SLC30A8: variants seen among roughly 807,000 people sequenced by gnomAD.
The protein encoded by SLC30A8 is solute carrier family 30 member 8.
A neutral mutation model predicts 36.9 loss-of-function variants in SLC30A8; 27 were observed. The ratio of observed to expected loss-of-function variants is 0.73; its 90% CI spans 0.54 to 1.01. SLC30A8 has a LOEUF of 1.01. Among genes scored for constraint, SLC30A8 ranks in the 50% least tolerant of loss-of-function variants. The pLI is 0.00. For synonymous variants in SLC30A8, 164 were observed against 172.4 expected (o/e 0.95, Z 0.38); for missense variants, 439 against 452.0 (o/e 0.97, Z 0.26).
intron 2 of SLC30A8, among the ~76,000 whole-genome samples, chr8:117,039,914 A>T (rs924377867): frequency 1.3e-5 from 2 of 152,232 alleles, no homozygotes; most frequent in African/African-American, 4.8e-5. Context: ...AGGCCTTTTG[A>T]TAAATTATCT....
chr8:117,115,814 G>A (rs1303285683), intron 2 of SLC30A8, among the ~76,000 whole-genome samples: 2 of 152,008 alleles, frequency 1.3e-5, no homozygotes, highest in African/African-American at 4.8e-5. Flanking sequence ...GGGGCTAGCT[G>A]TTCTGAGATC....
intron 6 of SLC30A8, among the ~76,000 whole-genome samples, chr8:117,170,635 G>A (rs1231677017): frequency 1.3e-5 from 2 of 152,162 alleles, no homozygotes; most frequent in African/African-American, 4.8e-5. Flanking sequence ...GGTCAGAGAA[G>A]TTCTGGGATT....
Position 117,076,172 on chromosome 8 carries a change from C to T in SLC30A8, c.-226+36914C>T, listed in dbSNP as rs369729285. On this transcript the variant is annotated intron_variant, in intron 2 of 10. Coordinates refer to the SLC30A8 transcript ENST00000427715. Reference sequence around the variant, plus strand: ...CAGCTAGAGTTCCTTAGCTTTCTAGCTGCTGTTCAGTTTTATTATATCATG... The same window carrying T: ...CAGCTAGAGTTCCTTAGCTTTCTAGTTGCTGTTCAGTTTTATTATATCATG... Among the ~76,000 whole-genome samples, 34 of 152,296 alleles carry T rather than the reference C, an allele frequency of 2.2e-4. No individual in the cohort carries two copies. The East Asian group carries it at 6.2e-3, about 28-fold the overall frequency.
At chr8:117,036,357 C>T (rs1320844808) in intron 1 of SLC30A8, among the ~76,000 whole-genome samples, 1 of 152,214 alleles carries the variant, frequency 6.6e-6, no homozygotes, top group African/African-American at 2.4e-5. Context: ...GTTCCAGCCT[C>T]TGCCTGTTAC....
intron 2 of SLC30A8, among the ~76,000 whole-genome samples, chr8:117,118,109 T>C (rs575866500): frequency 6.6e-6 from 1 of 151,026 alleles, no homozygotes; most frequent in Admixed American, 6.6e-5. Context: ...ACTTAGCTGT[T>C]GCAAATTTAA....
chr8:117,057,975 CA>C (rs772546214), intron 2 of SLC30A8, among the ~76,000 whole-genome samples: 3 of 152,150 alleles, frequency 2.0e-5, no homozygotes, highest in African/African-American at 4.8e-5. Context: ...TACTGTTTTT[CA>C]TAGTGGCTAT....
intron 2 of SLC30A8, among the ~76,000 whole-genome samples, chr8:117,049,936 C>T (rs569261764): frequency 1.3e-5 from 2 of 152,186 alleles, no homozygotes; most frequent in African/African-American, 4.8e-5. Context: ...CATCTGGGAT[C>T]TATTTTAAAG....
At chr8:117,041,221 C>G (rs2130756882) in intron 2 of SLC30A8, among the ~76,000 whole-genome samples, 1 of 152,296 alleles carries the variant, frequency 6.6e-6, no homozygotes, top group African/African-American at 2.4e-5. Flanking sequence ...AGGCACTTGG[C>G]AGCAGAAGGA....
At chr8:117,124,228 T>C (rs541589140) in intron 2 of SLC30A8, among the ~76,000 whole-genome samples, 1 of 152,074 alleles carries the variant, frequency 6.6e-6, no homozygotes, top group African/African-American at 2.4e-5. Flanking sequence ...GATGAATCTT[T>C]AGTTATAGGG....
intron 1 of SLC30A8, among the ~76,000 whole-genome samples, chr8:116,977,684 G>T (rs1027149125): frequency 4.6e-5 from 7 of 151,818 alleles, no homozygotes; most frequent in Non-Finnish European, 1.0e-4. Context: ...GCTAATTTTT[G>T]TATGTTAAGT....
At chr8:117,034,008 T>C (rs986479565) in intron 1 of SLC30A8, among the ~76,000 whole-genome samples, 9 of 152,218 alleles carry the variant, frequency 5.9e-5, no homozygotes, top group Admixed American at 2.6e-4. Flanking sequence ...GAAATAGGGC[T>C]GTGGAAGATT....
At chr8:117,080,944 G>A (rs1818657325) in intron 2 of SLC30A8, among the ~76,000 whole-genome samples, 1 of 152,138 alleles carries the variant, frequency 6.6e-6, no homozygotes, top group South Asian at 2.1e-4. Flanking sequence ...CTAATTTACT[G>A]TTAAAATTTT....
At chr8:117,039,283 T>A (rs1242076083) in intron 2 of SLC30A8, 1 of 152,242 alleles carries the variant, frequency 6.6e-6, no homozygotes, top group African/African-American at 2.4e-5. Flanking sequence ...ACTCTGTGTG[T>A]GTGAGAGGGA....
intron 1 of SLC30A8, among the ~76,000 whole-genome samples, chr8:116,994,121 A>T (rs939392031): frequency 6.6e-6 from 1 of 152,072 alleles, no homozygotes; most frequent in East Asian, 1.9e-4. Flanking sequence ...CAAAATTTTA[A>T]AGAAGAAATA....
chr8:117,161,868 G>A lies in SLC30A8; in HGVS notation c.703G>A (p.Ala235Thr), dbSNP rs758804870. ...LFQSISVLIS[A>T]LIIYFKPEYK... ...TCAGAGTATCAGTGTGCTAATTAGT[G>A]CACTTATTATCTACTTTAAGGTGAG... The change falls in exon 5 of 8, where the codon GCA becomes ACA. Residue 235 changes from alanine (A) to threonine (T), a missense_variant. Ala to Thr is a moderately conservative substitution (Grantham distance 58). Coordinates refer to ENST00000456015, the MANE Select transcript of SLC30A8 (RefSeq NM_173851.3). 20 of 1,613,046 alleles carry A rather than the reference G, an allele frequency of 1.2e-5. No individual in the cohort carries two copies. The South Asian group carries it at 1.4e-4, about 12-fold the overall frequency.
intron 4 of SLC30A8, among the ~76,000 whole-genome samples, chr8:117,159,196 T>G (rs563820564): frequency 5.3e-5 from 8 of 152,220 alleles, no homozygotes; most frequent in Admixed American, 6.5e-5. Context: ...GTTTGTGTTG[T>G]TTTAAGCTGC....
chr8:116,956,969 A>G (rs1305623816), intron 1 of SLC30A8, among the ~76,000 whole-genome samples: 2 of 152,254 alleles, frequency 1.3e-5, no homozygotes, highest in Non-Finnish European at 2.9e-5. Flanking sequence ...AGTGACATGT[A>G]GAATAATTTT....
intron 4 of SLC30A8, among the ~76,000 whole-genome samples, chr8:117,160,028 A>T (rs1210148653): frequency 1.3e-5 from 2 of 152,240 alleles, no homozygotes; most frequent in Non-Finnish European, 2.9e-5. Context: ...TATGGATAAG[A>T]ATGCTGAGTG....
intron 6 of SLC30A8, 41 bp from the exon 7 acceptor site, chr8:117,170,993 T>C (rs377342075): frequency 3.3e-6 from 5 of 1,532,768 alleles, no homozygotes; most frequent in Non-Finnish European, 4.4e-6. Context: ...GAGCTGTATC[T>C]AGTTGAATAA....
Sources: gnomAD v4.1 joint callset for allele counts (sites outside exome capture counted in the v4.1 genomes callset) on GRCh38, gnomAD v4.1.1 for gene constraint, MANE v1.5 for transcripts, NCBI Gene and HGNC (gene_info 2026-07-23, HGNC 2026-07-21) for gene names.